CAPN14: variants seen among roughly 807,000 people sequenced by gnomAD.
CAPN14 encodes calpain 14.
CAPN14 carries 94 observed loss-of-function variants against 101.3 expected under a neutral mutation model. The ratio of observed to expected loss-of-function variants is 0.93; its 90% confidence interval spans 0.79 to 1.10. The LOEUF is 1.10. Among genes scored for constraint, CAPN14 ranks in the 50% least tolerant of loss-of-function variants. The pLI is 0.00. For missense variants in CAPN14, 837 were observed against 828.4 expected, an observed-to-expected ratio of 1.01 and a Z score of -0.13; for synonymous variants, 338 against 317.9, an observed-to-expected ratio of 1.06 and a Z score of -0.67.
intron 1 of CAPN14, among the ~76,000 whole-genome samples, chr2:31,214,580 T>C (rs1313241502): frequency 6.6e-6 from 1 of 152,112 alleles, no homozygotes; most frequent in African/African-American, 2.4e-5. Flanking sequence ...TAACTGGCAA[T>C]GCTGGGGTAG....
chr2:31,174,667 G>A lies in CAPN14; in HGVS notation c.*14C>T, dbSNP rs1393416210. 3 of 1,551,516 alleles carry A rather than the reference G, an allele frequency of 1.9e-6. No homozygotes were observed. Among genetic ancestry groups the A allele is most frequent in the South Asian group, 2.4e-5 (2 of 84,050 alleles). On this transcript the variant is annotated 3_prime_UTR_variant, in exon 22 of 22. Transcript: ENST00000403897. Reference sequence around the variant, plus strand: ...TGCAGAGTCTTCAGTGAGGGCAGGTGAGACTCAGCCTTCTCAGGAGTACAG... The same window carrying A: ...TGCAGAGTCTTCAGTGAGGGCAGGTAAGACTCAGCCTTCTCAGGAGTACAG...
chr2:31,209,997 T>A (rs1682304611), intron 1 of CAPN14, among the ~76,000 whole-genome samples: 1 of 152,196 alleles, frequency 6.6e-6, no homozygotes, highest in Non-Finnish European at 1.5e-5. Flanking sequence ...TTCCGTGTTG[T>A]CCAGGAATAC....
At chr2:31,208,925 C>T (rs1682247213) in intron 1 of CAPN14, among the ~76,000 whole-genome samples, 1 of 152,054 alleles carries the variant, frequency 6.6e-6, no homozygotes, top group African/African-American at 2.4e-5. Flanking sequence ...TCCTTGGCTC[C>T]CCATAAGCTG....
Position 31,177,015 on chromosome 2 carries a change from C to T in CAPN14, c.1972+11G>A, listed in dbSNP as rs79958979. 5.2e-4 allele frequency: 796 copies of T among 1,543,866 alleles called. 20 individuals are homozygous for T. The East Asian group carries it at 0.019, about 36-fold the overall frequency. ...GAAGACCTGGCCCTCCCCAGCTTCCCGCCAGCTTACCCTCCATGTTCTCTA... is the reference window on the plus strand; with the variant it reads ...GAAGACCTGGCCCTCCCCAGCTTCCTGCCAGCTTACCCTCCATGTTCTCTA... On this transcript the variant is annotated intron_variant, in intron 20 of 21. Coordinates refer to ENST00000403897, the MANE Select transcript of CAPN14 (RefSeq NM_001145122.2).
chr2:31,196,552 A>G lies in CAPN14; in HGVS notation c.875+697T>C, dbSNP rs559143039. On this transcript the variant is annotated intron_variant, in intron 8 of 21. Coordinates refer to ENST00000403897, the MANE Select transcript of CAPN14 (RefSeq NM_001145122.2). ...AAAATGATTAAGTGATAATGTGTATATGGACACGTTTGTAGACTCTGAAGA... is the reference window on the plus strand; with the variant it reads ...AAAATGATTAAGTGATAATGTGTATGTGGACACGTTTGTAGACTCTGAAGA... Among the ~76,000 whole-genome samples, 6 of 152,152 alleles carry G rather than the reference A, an allele frequency of 3.9e-5. No individual in the cohort carries two copies. The South Asian group carries it at 8.3e-4, about 21-fold the overall frequency.
intron 1 of CAPN14, among the ~76,000 whole-genome samples, chr2:31,226,921 T>C (rs553784790): frequency 3.9e-5 from 6 of 152,290 alleles, no homozygotes; most frequent in East Asian, 3.9e-4. Flanking sequence ...GGATGATAGA[T>C]AGCTCAATCA....
chr2:31,233,284 G>A (rs1683252938), intron 1 of CAPN14, among the ~76,000 whole-genome samples: 1 of 152,104 alleles, frequency 6.6e-6, no homozygotes, highest in Non-Finnish European at 1.5e-5. Flanking sequence ...CTACACTCCA[G>A]CTATGCCAAA....
chr2:31,195,481 C>A (rs1490606645), intron 8 of CAPN14, among the ~76,000 whole-genome samples: 1 of 152,184 alleles, frequency 6.6e-6, no homozygotes, highest in Non-Finnish European at 1.5e-5. Context: ...GGATTACAGG[C>A]ACATGCCACC....
In CAPN14 at chr2:31,192,052, G is replaced by T; in HGVS notation, c.1161C>A (p.Pro387=). ...GCCTCAGGGATCTCCTGCCCTCCTC[G>T]GGCCTCCAGACAGACAGCAGGAACT... ...NPQFLLSVWR[P]EEGRRSLRPC... The change falls in exon 11 of 22, where the codon CCC becomes CCA. Residue 387 remains proline, a synonymous_variant. Coordinates refer to ENST00000403897, the MANE Select transcript of CAPN14 (RefSeq NM_001145122.2). 1 of 1,551,328 alleles carries T rather than the reference G, an allele frequency of 6.4e-7. No individual in the cohort carries two copies. Among genetic ancestry groups the T allele is most frequent in the Non-Finnish European group, 8.7e-7 (1 of 1,146,818 alleles).
Position 31,176,620 on chromosome 2 carries a change from T to C in CAPN14, c.1995A>G (p.Gln665=). The C allele has an allele frequency of 6.4e-7, 1 of 1,551,742 alleles. No homozygotes were observed. Among genetic ancestry groups the C allele is most frequent in the Non-Finnish European group, 8.7e-7 (1 of 1,146,972 alleles). ...NMEDVFQNLT[Q]DGKGIYLQKP... ...TCTGGAGGTATATCCCTTTGCCATC[T>C]TGGGTTAAGTTTTGGAAGACATCTG... Residue 665 remains glutamine (Q), a synonymous_variant, in exon 21 of 22, where the codon CAA becomes CAG. Transcript: ENST00000403897.
At chr2:31,200,712 G>A (rs919018568) in intron 5 of CAPN14, 87 bp from the exon 6 acceptor site, 1 of 1,280,808 alleles carries the variant, frequency 7.8e-7, no homozygotes. Context: ...CTTTTAAATA[G>A]GAGTCTAGTT....
In CAPN14 at chr2:31,186,497, G is replaced by A; in HGVS notation, c.1588-12C>T. 4 of 1,544,038 alleles carry A rather than the reference G, an allele frequency of 2.6e-6. No individual in the cohort carries two copies. Among genetic ancestry groups the A allele is most frequent in the Non-Finnish European group, 3.5e-6 (4 of 1,143,378 alleles). On this transcript the variant is annotated splice_polypyrimidine_tract_variant and intron_variant, in intron 15 of 21. Transcript: ENST00000403897. ...TTAATCTCTGGATGCTAAATAGAAA[G>A]CAGATTGGCAAGAAAAAATAACTGT...
chr2:31,207,875 A>G (rs926983305), intron 1 of CAPN14, among the ~76,000 whole-genome samples: 1 of 152,232 alleles, frequency 6.6e-6, no homozygotes, highest in African/African-American at 2.4e-5. Flanking sequence ...CTCATCAAGC[A>G]CTGCCAGTGA....
rs557735091 is a variant in CAPN14, at chr2:31,177,917, T to C, written c.1780-96A>G. ...CCTTGTCAGCACCGCAGAGGGGCTG[T>C]TGAAGATATCTGAGGCTCCACATGC... is the stretch of plus-strand genomic sequence containing the variant. On this transcript the variant is annotated intron_variant, in intron 18 of 21. Transcript: ENST00000403897. 8.5e-5 allele frequency: 72 copies of C among 846,646 alleles called. No homozygotes were observed. In the African/African-American group the frequency reaches 1.0e-3, roughly 12 times the overall value. The allele number at this position is 846,646 out of a possible 1,614,324, so 52.4% of individuals were successfully genotyped here. A position where few individuals can be genotyped will look rare whatever the true frequency, so the allele number is the denominator to read the frequency against.
intron 5 of CAPN14, among the ~76,000 whole-genome samples, 160 bp downstream of exon 5, chr2:31,201,702 C>A (rs1054553043): frequency 4.6e-5 from 7 of 152,128 alleles, no homozygotes; most frequent in Admixed American, 3.9e-4. Context: ...GATGAGGTGA[C>A]CCCTACATAA....
chr2:31,181,559 A>C (rs1572391594), intron 16 of CAPN14, among the ~76,000 whole-genome samples: 1 of 139,080 alleles, frequency 7.2e-6, no homozygotes, highest in Non-Finnish European at 1.5e-5. Flanking sequence ...TTTAGGGTAC[A>C]TGTGCACAAT....
intron 12 of CAPN14, 29 bp downstream of exon 12, chr2:31,191,369 TA>T (rs1183697756): frequency 2.2e-5 from 34 of 1,536,268 alleles, no homozygotes; most frequent in Non-Finnish European, 2.6e-6. Context: ...CACCCCAAAC[TA>T]GGGCCACCCG....
intron 17 of CAPN14, among the ~76,000 whole-genome samples, 197 bp downstream of exon 17, chr2:31,180,739 C>A (rs572295701): frequency 1.3e-5 from 2 of 152,326 alleles, no homozygotes; most frequent in East Asian, 3.9e-4. Flanking sequence ...TGCATTCCCA[C>A]GTTAATCCTA....
At chr2:31,208,822 A>C (rs1044216680) in intron 1 of CAPN14, among the ~76,000 whole-genome samples, 1 of 152,202 alleles carries the variant, frequency 6.6e-6, no homozygotes, top group Non-Finnish European at 1.5e-5. Flanking sequence ...CCACAAAATA[A>C]GACTATGCAA....
Sources: gnomAD v4.1 joint callset for allele counts (sites outside exome capture counted in the v4.1 genomes callset) on GRCh38, gnomAD v4.1.1 for gene constraint, MANE v1.5 for transcripts, NCBI Gene and HGNC (gene_info 2026-07-23, HGNC 2026-07-21) for gene names.